KLF12: variants seen among roughly 807,000 people sequenced by gnomAD.
KLF12 encodes Krueppel-like factor 12.
Under a neutral mutation model 37.8 loss-of-function variants are expected in KLF12, and 9 were observed. The observed-to-expected ratio is 0.24, with a 90% CI of 0.14 to 0.42. KLF12 has a LOEUF of 0.42. Among genes scored for constraint, KLF12 ranks in the 10% least tolerant of loss-of-function variants. The pLI, the probability that KLF12 is intolerant of heterozygous loss-of-function variation, is 1.00. For synonymous variants in KLF12, 208 were observed against 202.1 expected, an observed-to-expected ratio of 1.03 and a Z score of -0.25; for missense variants, 411 against 516.0, an observed-to-expected ratio of 0.80 and a Z score of 1.97.
upstream of KLF12, among the ~76,000 whole-genome samples, chr13:74,138,741 C>T (rs576702806): frequency 7.9e-5 from 12 of 152,314 alleles, no homozygotes; most frequent in African/African-American, 2.9e-4. Flanking sequence ...CAGCTCTGAG[C>T]TCTGCATCTA....
chr13:73,724,441 A>G (rs1876511726), intron 6 of KLF12, among the ~76,000 whole-genome samples: 1 of 152,174 alleles, frequency 6.6e-6, no homozygotes, highest in African/African-American at 2.4e-5. Flanking sequence ...GGGTAGGATT[A>G]TATAAATCAG....
At position 73,692,107 on chromosome 13, in the gene KLF12, C is replaced by T. The variant is rs1325628620; in HGVS notation, c.*3383G>A. 2.0e-5 allele frequency: 3 copies of T among 152,456 alleles called. No individual in the cohort carries two copies. The highest frequency in any genetic ancestry group is 1.3e-4 in the Admixed American group (2 of 15,270). 9.4% of individuals were successfully genotyped at this position (152,456 alleles called of 1,614,324 possible). On this transcript the variant is annotated 3_prime_UTR_variant, in exon 8 of 8. Transcript: ENST00000377669. ...GTCCTATAGTGTTTTATAGAAACGA[C>T]GCCAGGCAGAAGTATAATCTTTATG...
At chr13:73,938,314 C>T (rs1275487255) in intron 3 of KLF12, among the ~76,000 whole-genome samples, 1 of 151,950 alleles carries the variant, frequency 6.6e-6, no homozygotes, top group East Asian at 1.9e-4. Context: ...GGGTTTTTTC[C>T]CCCTAATGCT....
the KLF12 span, among the ~76,000 whole-genome samples, chr13:74,140,490 A>G: frequency 6.6e-6 from 1 of 152,182 alleles, no homozygotes; most frequent in Non-Finnish European, 1.5e-5. Flanking sequence ...TCTCTAAGGG[A>G]AAAAAAGCAT....
intron 3 of KLF12, among the ~76,000 whole-genome samples, chr13:73,910,856 G>C (rs1335080689): frequency 1.3e-5 from 2 of 152,104 alleles, no homozygotes; most frequent in Admixed American, 1.3e-4. Flanking sequence ...TTATTAATGG[G>C]TTATCATGGA....
chr13:74,173,755 C>A, the KLF12 span, among the ~76,000 whole-genome samples: 2 of 152,150 alleles, frequency 1.3e-5, no homozygotes, highest in African/African-American at 4.8e-5. Flanking sequence ...TTACCTTATC[C>A]AGACCAATAT....
At position 73,859,791 on chromosome 13, in the gene KLF12, A is replaced by G. The variant is rs191467354; in HGVS notation, c.124-13418T>C. On this transcript the variant is annotated intron_variant, in intron 3 of 7. Coordinates refer to ENST00000377669, the MANE Select transcript of KLF12 (RefSeq NM_007249.5). ...GGGATATGTGTTTGAAAGAAATGAG[A>G]AAAGACGGTAGGATAAAATGGAAAA... Among the ~76,000 whole-genome samples the G allele has an allele frequency of 9.2e-5, 14 of 152,190 alleles. No individual in the cohort carries two copies. In the East Asian group the frequency reaches 2.5e-3, roughly 27 times the overall value.
At position 73,695,449 on chromosome 13, in the gene KLF12, A is replaced by C; in HGVS notation, c.*41T>G. 11 of 1,595,546 alleles carry C rather than the reference A, an allele frequency of 6.9e-6. No individual in the cohort carries two copies. The highest frequency in any genetic ancestry group is 8.6e-6 in the Non-Finnish European group (10 of 1,165,572). On this transcript the variant is annotated 3_prime_UTR_variant, in exon 8 of 8. Transcript: ENST00000377669. ...AGCCCTGCTGAATTGGGTGCCGCTA[A>C]GAGATCCAGCTCTTACGCTCAGCTG...
At chr13:73,908,338 G>A (rs1198247901) in intron 3 of KLF12, among the ~76,000 whole-genome samples, 1 of 149,758 alleles carries the variant, frequency 6.7e-6, no homozygotes, top group African/African-American at 2.4e-5. Flanking sequence ...GGAGGTGGAG[G>A]TTGCAGTGAG....
At chr13:74,163,621 C>CA in the KLF12 span, among the ~76,000 whole-genome samples, 7 of 151,686 alleles carry the variant, frequency 4.6e-5, no homozygotes, top group Admixed American at 1.3e-4. Context: ...TTAATGGGTA[C>CA]AAAAAATGAA....
Position 73,748,778 on chromosome 13 carries a change from T to C in KLF12, c.869+16160A>G, listed in dbSNP as rs1046524724. Among the ~76,000 whole-genome samples the C allele has an allele frequency of 2.6e-5, 4 of 152,284 alleles. No individual in the cohort carries two copies. In the East Asian group the frequency reaches 5.8e-4, roughly 22 times the overall value. On this transcript the variant is annotated intron_variant, in intron 6 of 7. Coordinates refer to ENST00000377669, the MANE Select transcript of KLF12 (RefSeq NM_007249.5). ...TTGTATATTACCACAGAGGAAATGA[T>C]AGTGAAGAGTTTGATGATTTGCTTA...
intron 2 of KLF12, among the ~76,000 whole-genome samples, chr13:73,977,776 A>C (rs1377030501): frequency 6.6e-6 from 1 of 152,230 alleles, no homozygotes; most frequent in Non-Finnish European, 1.5e-5. Context: ...GAACAAACAA[A>C]TAGATTAGTG....
rs1221969288 is a variant in KLF12, at chr13:73,694,574, AC to A, written c.*915del. The A allele has an allele frequency of 6.6e-6, 1 of 152,664 alleles. No individual in the cohort carries two copies. The highest frequency in any genetic ancestry group is 6.5e-5 in the Admixed American group (1 of 15,284). 9.5% of individuals were successfully genotyped at this position (152,664 alleles called of 1,614,324 possible). A position where few individuals can be genotyped will look rare whatever the true frequency, so the allele number is the denominator to read the frequency against. The stretch of plus-strand genomic sequence containing the variant: ...CTTTGCCTGGGCAGCCCCACCTCTT[AC>A]CTTGGTGCCAGTGTGTCTAAGAAAG... On this transcript the variant is annotated 3_prime_UTR_variant, in exon 8 of 8. Coordinates refer to ENST00000377669, the MANE Select transcript of KLF12 (RefSeq NM_007249.5).
At chr13:73,712,759 A>G (rs1186944818) in intron 7 of KLF12, among the ~76,000 whole-genome samples, 4 of 152,226 alleles carry the variant, frequency 2.6e-5, no homozygotes. Context: ...CCATCAACAC[A>G]GAGGCAAGAC....
intron 3 of KLF12, among the ~76,000 whole-genome samples, chr13:73,879,315 C>T (rs1289954256): frequency 1.3e-5 from 2 of 152,190 alleles, no homozygotes; most frequent in Admixed American, 6.5e-5. Context: ...TCAAATGTCA[C>T]TGTTTGGTGA....
chr13:73,839,748 G>T (rs1183318470), intron 4 of KLF12, among the ~76,000 whole-genome samples: 1 of 152,134 alleles, frequency 6.6e-6, no homozygotes, highest in Non-Finnish European at 1.5e-5. Flanking sequence ...CCTGCATCTT[G>T]CAGTAATTAA....
At chr13:74,212,332 G>A in the KLF12 span, among the ~76,000 whole-genome samples, 4 of 152,068 alleles carry the variant, frequency 2.6e-5, no homozygotes, top group Admixed American at 6.6e-5. Context: ...CCAACTTTTC[G>A]GTGCACATAC....
intron 6 of KLF12, among the ~76,000 whole-genome samples, chr13:73,754,912 T>C (rs568327655): frequency 6.6e-6 from 1 of 152,354 alleles, no homozygotes; most frequent in Admixed American, 6.5e-5. Flanking sequence ...TGGCAGCAAC[T>C]TTCCTCTGTT....
chr13:73,812,236 G>C (rs1175188139), intron 5 of KLF12, among the ~76,000 whole-genome samples: 1 of 152,130 alleles, frequency 6.6e-6, no homozygotes, highest in Non-Finnish European at 1.5e-5. Context: ...GGGTGTCAGA[G>C]AAAAGAGGAG....
Sources: gnomAD v4.1 joint callset for allele counts (sites outside exome capture counted in the v4.1 genomes callset) on GRCh38, gnomAD v4.1.1 for gene constraint, MANE v1.5 for transcripts, NCBI Gene and HGNC (gene_info 2026-07-23, HGNC 2026-07-21) for gene names.